The following ADAMTSL1 variants were observed in gnomAD, a reference collection of about 807,000 sequenced individuals.
ADAMTSL1 encodes ADAMTS like 1.
Under a neutral mutation model 201.8 loss-of-function variants are expected in ADAMTSL1, and 126 were observed. The observed-to-expected ratio is 0.62, with a 90% confidence interval of 0.54 to 0.72. The LOEUF is 0.72. Among genes scored for constraint, ADAMTSL1 ranks in the 30% least tolerant of loss-of-function variants. The pLI is 0.00. For synonymous variants in ADAMTSL1, 1,121 were observed against 903.4 expected, an observed-to-expected ratio of 1.24 and a Z score of -4.32; for missense variants, 2,679 against 2,277.8, an observed-to-expected ratio of 1.18 and a Z score of -3.59.
intron 2 of ADAMTSL1, among the ~76,000 whole-genome samples, chr9:18,288,058 C>G (rs1347516597): frequency 6.6e-6 from 1 of 151,998 alleles, no homozygotes; most frequent in Admixed American, 6.6e-5. Flanking sequence ...GTGGCACTGG[C>G]TGTGGGGAGT....
intron 21 of ADAMTSL1, among the ~76,000 whole-genome samples, chr9:18,817,878 A>G (rs1048993167): frequency 1.3e-5 from 2 of 152,176 alleles, no homozygotes; most frequent in African/African-American, 4.8e-5. Context: ...GCTTGCTCGA[A>G]TCAGAAGTGG....
At chr9:18,035,515 C>G (rs909180407) in intron 1 of ADAMTSL1, among the ~76,000 whole-genome samples, 4 of 152,134 alleles carry the variant, frequency 2.6e-5, no homozygotes, top group Non-Finnish European at 4.4e-5. Context: ...TCTTCAGATA[C>G]TTATACAATT....
At chr9:18,499,444 G>C (rs1163048895) in intron 1 of ADAMTSL1, among the ~76,000 whole-genome samples, 2 of 152,214 alleles carry the variant, frequency 1.3e-5, no homozygotes, top group African/African-American at 2.4e-5. Flanking sequence ...AAGATTTATA[G>C]AGACCTGATG....
chr9:18,852,069 G>A (rs1413415238), intron 23 of ADAMTSL1, among the ~76,000 whole-genome samples: 1 of 152,146 alleles, frequency 6.6e-6, no homozygotes, highest in Non-Finnish European at 1.5e-5. Flanking sequence ...CCTTGCTCGT[G>A]TCTGCCTAAC....
intron 2 of ADAMTSL1, among the ~76,000 whole-genome samples, chr9:18,450,533 C>A (rs1470386485): frequency 1.3e-5 from 2 of 151,886 alleles, no homozygotes; most frequent in Non-Finnish European, 2.9e-5. Flanking sequence ...AAAACCATAT[C>A]TCTTTTTAAT....
intron 2 of ADAMTSL1, among the ~76,000 whole-genome samples, chr9:18,306,777 A>C (rs1006160795): frequency 2.0e-5 from 3 of 152,188 alleles, no homozygotes; most frequent in African/African-American, 7.2e-5. Context: ...TCTTCAGTAT[A>C]TTATCCAGGA....
intron 20 of ADAMTSL1, among the ~76,000 whole-genome samples, chr9:18,807,707 A>C (rs1042508072): frequency 2.8e-4 from 43 of 151,344 alleles, no homozygotes; most frequent in Middle Eastern, 3.2e-3. Flanking sequence ...GGCGCGGCGC[A>C]TTCAGTGGAG....
At chr9:18,365,422 T>A (rs1439550413) in intron 2 of ADAMTSL1, among the ~76,000 whole-genome samples, 3 of 152,164 alleles carry the variant, frequency 2.0e-5, no homozygotes, top group Admixed American at 6.5e-5. Flanking sequence ...AAGGATTGAT[T>A]AACACAAAAT....
chr9:18,189,776 TA>T (rs941979299), intron 2 of ADAMTSL1, among the ~76,000 whole-genome samples: 9 of 151,974 alleles, frequency 5.9e-5, no homozygotes, highest in African/African-American at 9.7e-5. Flanking sequence ...TATGTTTTTT[TA>T]AAAAAAACTC....
chr9:18,203,027 G>C (rs1829511735), intron 2 of ADAMTSL1, among the ~76,000 whole-genome samples: 1 of 152,062 alleles, frequency 6.6e-6, no homozygotes, highest in South Asian at 2.1e-4. Flanking sequence ...GAACTCCCGA[G>C]GTCCCCAAGT....
chr9:18,421,754 T>C (rs1281650510), intron 2 of ADAMTSL1, among the ~76,000 whole-genome samples: 1 of 152,146 alleles, frequency 6.6e-6, no homozygotes, highest in East Asian at 1.9e-4. Flanking sequence ...TTGTAAGAAC[T>C]TTGCAGTATG....
At chr9:18,247,188 A>G (rs1270862810) in intron 2 of ADAMTSL1, among the ~76,000 whole-genome samples, 2 of 152,190 alleles carry the variant, frequency 1.3e-5, no homozygotes. Flanking sequence ...ATAATAAAAC[A>G]CAATATTATC....
At chr9:18,298,867 C>A (rs1473927184) in intron 2 of ADAMTSL1, among the ~76,000 whole-genome samples, 1 of 151,726 alleles carries the variant, frequency 6.6e-6, no homozygotes, top group African/African-American at 2.4e-5. Flanking sequence ...AAAAATCAGC[C>A]GGTCGTGGTG....
At chr9:17,929,425 T>C (rs767553838) in intron 1 of ADAMTSL1, among the ~76,000 whole-genome samples, 38 of 152,020 alleles carry the variant, frequency 2.5e-4, no homozygotes, top group Non-Finnish European at 5.0e-4. Context: ...ATTGCCCCCA[T>C]TGAGAATGCA....
At chr9:17,987,703 C>G (rs1426441222) in intron 1 of ADAMTSL1, among the ~76,000 whole-genome samples, 1 of 152,028 alleles carries the variant, frequency 6.6e-6, no homozygotes, top group Non-Finnish European at 1.5e-5. Context: ...AAGCAGTGTG[C>G]TCTCAAATGC....
At chr9:18,380,107 T>C (rs569236775) in intron 2 of ADAMTSL1, among the ~76,000 whole-genome samples, 2 of 152,360 alleles carry the variant, frequency 1.3e-5, no homozygotes, top group South Asian at 4.1e-4. Context: ...TATTTCTTCA[T>C]CTATTTTAAC....
At chr9:18,183,900 A>G (rs1828613936) in intron 2 of ADAMTSL1, among the ~76,000 whole-genome samples, 1 of 152,184 alleles carries the variant, frequency 6.6e-6, no homozygotes, top group South Asian at 2.1e-4. Context: ...ATATAGTTGA[A>G]ACAAGCGCAA....
chr9:18,825,465 A>G (rs1824487742), intron 21 of ADAMTSL1, among the ~76,000 whole-genome samples: 1 of 152,208 alleles, frequency 6.6e-6, no homozygotes, highest in South Asian at 2.1e-4. Flanking sequence ...GAAGATATGC[A>G]GGCTTCCAAA....
rs187944507 is a variant in ADAMTSL1 at position 17,982,491 on chromosome 9, A to C, written c.87+75569A>C. On this transcript the variant is annotated intron_variant, in intron 1 of 29. Transcript: ENST00000680146. ...GCTGGTCGTGGTGGTGGACGCTTGTAGTCCCATCTACTCAGGAGGCTGAGG... is the reference window on the plus strand; with the variant it reads ...GCTGGTCGTGGTGGTGGACGCTTGTCGTCCCATCTACTCAGGAGGCTGAGG... Among the ~76,000 whole-genome samples the C allele has an allele frequency of 5.3e-3, 803 of 152,264 alleles. 9 individuals carry two copies. Among genetic ancestry groups the C allele is most frequent in the Non-Finnish European group, 6.9e-3 (471 of 68,024 alleles).
Sources: allele counts gnomAD v4.1 joint callset (sites outside exome capture counted in the v4.1 genomes callset), GRCh38; gene constraint gnomAD v4.1.1; transcripts MANE v1.5; gene names NCBI Gene and HGNC (gene_info 2026-07-23, HGNC 2026-07-21).